Variants in ZBTB25 observed in about 807,000 individuals in gnomAD.
The protein encoded by ZBTB25 is zinc finger and BTB domain-containing protein 25.
A neutral mutation model predicts 34.2 loss-of-function variants in ZBTB25; 20 were observed. The observed-to-expected ratio is 0.58, with a 90% confidence interval of 0.41 to 0.85. The LOEUF (loss-of-function observed/expected upper bound fraction) is 0.85. Among genes scored for constraint, ZBTB25 ranks in the 40% least tolerant of loss-of-function variants. The pLI is 0.00. For missense variants in ZBTB25, 437 were observed against 521.8 expected, an observed-to-expected ratio of 0.84 and a Z score of 1.58; for synonymous variants, 175 against 186.4, an observed-to-expected ratio of 0.94 and a Z score of 0.50.
intron 2 of ZBTB25, among the ~76,000 whole-genome samples, chr14:64,456,307 A>G (rs2140991108): frequency 6.6e-6 from 1 of 152,338 alleles, no homozygotes; most frequent in East Asian, 1.9e-4. Flanking sequence ...TGGTTTAATC[A>G]CTATTCTAAC....
rs750967463 is a variant in ZBTB25, at chr14:64,468,956, C to T, written c.174-19318G>A. The T allele has an allele frequency of 1.2e-5, 19 of 1,614,156 alleles. No homozygotes were observed. Among genetic ancestry groups the T allele is most frequent in the Middle Eastern group, 1.6e-4 (1 of 6,062 alleles). ...CCAGGATCTAAGTGAAGGCATCTCACGGAAAGATGGTGATGAGGTCTGTGA... is the reference window on the plus strand; with the variant it reads ...CCAGGATCTAAGTGAAGGCATCTCATGGAAAGATGGTGATGAGGTCTGTGA... On this transcript the variant is annotated intron_variant, in intron 2 of 2. Transcript: ENST00000555220.
Position 64,485,284 on chromosome 14 carries a change from G to C in ZBTB25, c.*1639C>G, listed in dbSNP as rs573962701. 19 of 985,444 alleles carry C rather than the reference G, an allele frequency of 1.9e-5. No homozygotes were observed. The highest frequency in any genetic ancestry group is 5.2e-4 in the Middle Eastern group (1 of 1,914). The allele number at this position is 985,444 out of a possible 1,614,324, so 61.0% of individuals were successfully genotyped here. On this transcript the variant is annotated 3_prime_UTR_variant, in exon 3 of 3. Transcript: ENST00000608382. ...TGGAGGGAGCTCAAGAGTTTTGTAAGTGGTTAAATTCTAAGGCTCACAAAC... is the reference window on the plus strand; with the variant it reads ...TGGAGGGAGCTCAAGAGTTTTGTAACTGGTTAAATTCTAAGGCTCACAAAC...
chr14:64,501,188 T>C (rs1454267878), intron 1 of ZBTB25, among the ~76,000 whole-genome samples: 1 of 152,240 alleles, frequency 6.6e-6, no homozygotes, highest in Non-Finnish European at 1.5e-5. Context: ...CTTTCCTTTT[T>C]AGGGAGAATA....
rs757945168 is a variant in ZBTB25, at chr14:64,487,237, T to C, written c.994A>G (p.Thr332Ala). 2 of 1,614,178 alleles carry C rather than the reference T, an allele frequency of 1.2e-6. No homozygotes were observed. Among genetic ancestry groups the C allele is most frequent in the East Asian group, 2.2e-5 (1 of 44,892 alleles). Reference sequence around the variant, plus strand: ...TTACAGTTTAATTCTACTGGCTCTGTGTCTTTGGAGATCAAAGATACTTGA... The same window carrying C: ...TTACAGTTTAATTCTACTGGCTCTGCGTCTTTGGAGATCAAAGATACTTGA... ...ISQVSLISKD[T>A]EPVELNCNFS... Residue 332 changes from threonine (T) to alanine (A), a missense_variant, in exon 3 of 3, where the codon ACA becomes GCA. By Grantham distance (58) the Thr-to-Ala change is moderately conservative. Transcript: ENST00000608382.
In ZBTB25 at chr14:64,481,611, C is replaced by T. The variant is rs963968216; in HGVS notation, c.*5312G>A. 24 of 152,258 alleles carry T rather than the reference C, an allele frequency of 1.6e-4. No homozygotes were observed. Among genetic ancestry groups the T allele is most frequent in the African/African-American group, 4.8e-4 (20 of 41,530 alleles). The allele number at this position is 152,258 out of a possible 1,614,324, so 9.4% of individuals were successfully genotyped here. A position where few individuals can be genotyped will look rare whatever the true frequency, so the allele number is the denominator to read the frequency against. The stretch of plus-strand genomic sequence containing the variant: ...AGTTGATGACAGTTAATGTCAATTG[C>T]ACCAGACCAATACTTAACTAATTAA... On this transcript the variant is annotated 3_prime_UTR_variant, in exon 3 of 3. Coordinates refer to ENST00000608382, the MANE Select transcript of ZBTB25 (RefSeq NM_006977.5).
At chr14:64,455,243 C>A (rs1350955048) in intron 2 of ZBTB25, 1 of 292,882 alleles carries the variant, frequency 3.4e-6, no homozygotes, top group Non-Finnish European at 6.6e-6. Context: ...ACTCAGTCCC[C>A]CCACAGCCCT....
At chr14:64,473,477 G>T (rs1331852405), downstream of ZBTB25, 1 of 167,000 alleles carries the variant, frequency 6.0e-6, no homozygotes, top group African/African-American at 2.4e-5. Flanking sequence ...GCTTGCTAAA[G>T]GCATTAAAGA....
intron 2 of ZBTB25, chr14:64,453,675 C>A: frequency 1.2e-6 from 1 of 833,084 alleles, no homozygotes; most frequent in Admixed American, 1.9e-5. Flanking sequence ...GGACTCTGAC[C>A]TAGAATGTGG....
intron 1 of ZBTB25, among the ~76,000 whole-genome samples, chr14:64,499,156 C>T (rs1470570185): frequency 1.3e-5 from 2 of 152,120 alleles, no homozygotes; most frequent in African/African-American, 2.4e-5. Flanking sequence ...ATACTAGTCT[C>T]TATAAATAAA....
At chr14:64,504,516 C>A (rs1386987136), upstream of ZBTB25, 1 of 167,110 alleles carries the variant, frequency 6.0e-6, no homozygotes, top group Non-Finnish European at 1.3e-5. Flanking sequence ...GGTGGTCAAG[C>A]CGCCGCCGCC....
At chr14:64,458,078 T>C in intron 2 of ZBTB25, 2 of 764,600 alleles carry the variant, frequency 2.6e-6, no homozygotes, top group South Asian at 2.7e-5. Context: ...CCTGTAGAGA[T>C]GGGGGTCTCA....
chr14:64,485,166 C>G lies in ZBTB25; in HGVS notation c.*1757G>C, dbSNP rs1343870319. On this transcript the variant is annotated 3_prime_UTR_variant, in exon 3 of 3. Transcript: ENST00000608382. ...CCTAAACTGTTTACCTAGAGAAAAC[C>G]TTTGTGTCCTTAGAATTAGCTGGAT... The G allele has an allele frequency of 4.1e-6, 4 of 985,294 alleles. No homozygotes were observed. The highest frequency in any genetic ancestry group is 4.8e-6 in the Non-Finnish European group (4 of 829,930). 61.0% of individuals were successfully genotyped at this position (985,294 alleles called of 1,614,324 possible). A position where few individuals can be genotyped will look rare whatever the true frequency, so the allele number is the denominator to read the frequency against.
At chr14:64,497,543 A>C (rs1376469190) in intron 1 of ZBTB25, among the ~76,000 whole-genome samples, 1 of 152,188 alleles carries the variant, frequency 6.6e-6, no homozygotes, top group East Asian at 1.9e-4. Flanking sequence ...TGAGTGCTAC[A>C]TTTTTAAAAG....
chr14:64,486,729 TTGAA>T lies in ZBTB25; in HGVS notation c.*190_*193del, dbSNP rs2078872596. ...GTTTGTGAAAAGTTCACAGTAGTAA[TTGAA>T]TGTTACATTTTAATAGCCACATATT... On this transcript the variant is annotated 3_prime_UTR_variant, in exon 3 of 3. Coordinates refer to ENST00000608382, the MANE Select transcript of ZBTB25 (RefSeq NM_006977.5). 8.0e-7 allele frequency: 1 copy of T among 1,247,788 alleles called. No individual in the cohort carries two copies. Among genetic ancestry groups the T allele is most frequent in the African/African-American group, 1.5e-5 (1 of 64,838 alleles). 77.3% of individuals were successfully genotyped at this position (1,247,788 alleles called of 1,614,324 possible). A position where few individuals can be genotyped will look rare whatever the true frequency, so the allele number is the denominator to read the frequency against.
chr14:64,469,118 G>A (rs1052114155), intron 2 of ZBTB25: 2 of 1,614,044 alleles, frequency 1.2e-6, no homozygotes, highest in South Asian at 1.1e-5. Context: ...AAAACAAGAT[G>A]TTCAACCCCA....
Position 64,456,084 on chromosome 14 carries a change from G to A in ZBTB25, c.174-6446C>T, listed in dbSNP as rs76444252. Among the ~76,000 whole-genome samples, 1,178 of 152,312 alleles carry A rather than the reference G, an allele frequency of 7.7e-3. 7 individuals are homozygous for A. The highest frequency in any genetic ancestry group is 0.027 in the African/African-American group (1,106 of 41,568). ...GCTACCAGCTGAAAGACGGGTAGCTGTACTCTTTCTTGTCACTTTTGATCT... is the reference window on the plus strand; with the variant it reads ...GCTACCAGCTGAAAGACGGGTAGCTATACTCTTTCTTGTCACTTTTGATCT... On this transcript the variant is annotated intron_variant, in intron 2 of 2. Coordinates refer to the ZBTB25 transcript ENST00000555220.
In ZBTB25 at chr14:64,455,421, T is replaced by A. The variant is rs959608528; in HGVS notation, c.174-5783A>T. On this transcript the variant is annotated intron_variant, in intron 2 of 2. Transcript: ENST00000555220. Reference sequence around the variant, plus strand: ...CGCTTCAAGGTGAACAAGGTGTCCATTGCTTTCTTATCTTACAGATTTTAT... The same window carrying A: ...CGCTTCAAGGTGAACAAGGTGTCCAATGCTTTCTTATCTTACAGATTTTAT... 2.0e-5 allele frequency among the ~76,000 whole-genome samples: 3 copies of A among 152,214 alleles called. No individual in the cohort carries two copies. In the East Asian group the frequency reaches 5.8e-4, roughly 29 times the overall value.
At chr14:64,465,947 G>A (rs2078608729) in intron 2 of ZBTB25, among the ~76,000 whole-genome samples, 1 of 152,152 alleles carries the variant, frequency 6.6e-6, no homozygotes, top group South Asian at 2.1e-4. Flanking sequence ...CTGAAGCTGG[G>A]TTATCTGTTC....
At chr14:64,491,701 G>A (rs1053548608) in intron 1 of ZBTB25, among the ~76,000 whole-genome samples, 5 of 152,148 alleles carry the variant, frequency 3.3e-5, no homozygotes, top group Non-Finnish European at 5.9e-5. Context: ...ACCCTACTGT[G>A]GAGAGAGCCC....
Sources: allele counts gnomAD v4.1 joint callset (sites outside exome capture counted in the v4.1 genomes callset), GRCh38; gene constraint gnomAD v4.1.1; transcripts MANE v1.5; gene names NCBI Gene and HGNC (gene_info 2026-07-23, HGNC 2026-07-21).